GSTCD: variants seen among roughly 807,000 people sequenced by gnomAD.
GSTCD encodes glutathione S-transferase C-terminal domain containing.
In GSTCD, 44 loss-of-function variants were observed where a neutral mutation model predicts 68.3. The ratio of observed to expected loss-of-function variants is 0.64; its 90% CI spans 0.51 to 0.83. The LOEUF (loss-of-function observed/expected upper bound fraction) is 0.83, where lower values mean the gene tolerates loss of function less well. Among genes scored for constraint, GSTCD ranks in the 40% least tolerant of loss-of-function variants. The pLI is 0.00. For synonymous variants in GSTCD, 273 were observed against 255.2 expected, an observed-to-expected ratio of 1.07 and a Z score of -0.67; for missense variants, 739 against 735.9, an observed-to-expected ratio of 1.00 and a Z score of -0.05.
chr4:105,718,143 AT>A (rs1292488937), intron 2 of GSTCD, 104 bp downstream of exon 2: 1 of 938,554 alleles, frequency 1.1e-6, no homozygotes, highest in Admixed American at 3.0e-5. Flanking sequence ...AAGTTTATTT[AT>A]TTTAAAAAAC....
intron 5 of GSTCD, among the ~76,000 whole-genome samples, chr4:105,806,297 A>T (rs1427856817): frequency 6.6e-6 from 1 of 152,066 alleles, no homozygotes; most frequent in Non-Finnish European, 1.5e-5. Context: ...AGCTTCTTTT[A>T]TTCATATGGA....
intron 5 of GSTCD, among the ~76,000 whole-genome samples, chr4:105,803,375 A>G (rs1029990681): frequency 6.6e-6 from 1 of 152,108 alleles, no homozygotes; most frequent in African/African-American, 2.4e-5. Context: ...GAGAGGAGAT[A>G]GAAAAAGTAT....
At chr4:105,761,316 A>C (rs1442092830) in intron 5 of GSTCD, 1 of 158,880 alleles carries the variant, frequency 6.3e-6, no homozygotes, top group Non-Finnish European at 1.4e-5. Flanking sequence ...TATGCTTTTA[A>C]ATGTAATTTT....
intron 7 of GSTCD, 46 bp downstream of exon 7, chr4:105,823,321 A>T: frequency 6.3e-7 from 1 of 1,588,120 alleles, no homozygotes. Flanking sequence ...AAAATTATAC[A>T]GTTCAGCTAG....
intron 5 of GSTCD, among the ~76,000 whole-genome samples, chr4:105,758,825 T>C (rs1734291613): frequency 6.6e-6 from 1 of 152,186 alleles, no homozygotes; most frequent in African/African-American, 2.4e-5. Flanking sequence ...TCATTCCACC[T>C]TCAGTGACAT....
Position 105,845,502 on chromosome 4 carries a change from C to G in GSTCD, c.1827C>G (p.Tyr609Ter). The G allele has an allele frequency of 6.2e-7, 1 of 1,613,910 alleles. No individual in the cohort carries two copies. The highest frequency in any genetic ancestry group is 8.5e-7 in the Non-Finnish European group (1 of 1,179,804). ...CAAGAGCTGCAGAAGAATGTGGATA[C>G]TCCGTTCAAGTGATATCCATGGAGC... ...DRARAAEECG[Y>*]SVQVISMEPE... The change falls in exon 12 of 12, where the codon TAC (tyrosine) becomes TAG (stop). Residue 609 changes from tyrosine to a stop codon, truncating the protein, a stop_gained. Transcript: ENST00000515279. LOFTEE classifies it high-confidence loss of function.
chr4:105,805,512 G>A (rs1434205080), intron 5 of GSTCD, among the ~76,000 whole-genome samples: 1 of 152,086 alleles, frequency 6.6e-6, no homozygotes, highest in East Asian at 1.9e-4. Context: ...GGAATAGAAT[G>A]TAAGATTCTG....
At chr4:105,744,982 C>T (rs1733753275) in intron 5 of GSTCD, among the ~76,000 whole-genome samples, 1 of 152,140 alleles carries the variant, frequency 6.6e-6, no homozygotes, top group African/African-American at 2.4e-5. Context: ...ATCTTTTATC[C>T]ATCTATCTAT....
intron 8 of GSTCD, among the ~76,000 whole-genome samples, chr4:105,830,301 ATAG>A (rs1723842052): frequency 6.6e-6 from 1 of 152,204 alleles, no homozygotes; most frequent in Non-Finnish European, 1.5e-5. Flanking sequence ...ACACTTCTTA[ATAG>A]TAGTGTGGAA....
At chr4:105,811,587 C>T (rs1018508250) in intron 5 of GSTCD, among the ~76,000 whole-genome samples, 4 of 149,428 alleles carry the variant, frequency 2.7e-5, no homozygotes, top group Admixed American at 6.7e-5. Context: ...TGCTAGATGA[C>T]GAGTTAGTGG....
intron 10 of GSTCD, 45 bp from the exon 11 acceptor site, chr4:105,842,020 G>C: frequency 1.4e-6 from 2 of 1,441,076 alleles, no homozygotes; most frequent in Non-Finnish European, 2.0e-6. Context: ...TAACTTTGAA[G>C]CAGAAGATAA....
rs564875009 is a variant in GSTCD at position 105,827,028 on chromosome 4, C to T, written c.1530+1228C>T. 3.3e-5 allele frequency: 5 copies of T among 152,218 alleles called. No individual in the cohort carries two copies. The South Asian group carries it at 8.3e-4, about 25-fold the overall frequency. 9.4% of individuals were successfully genotyped at this position (152,218 alleles called of 1,614,324 possible). On this transcript the variant is annotated intron_variant, in intron 8 of 11. Coordinates refer to ENST00000515279, the MANE Select transcript of GSTCD (RefSeq NM_001370181.1). The stretch of plus-strand genomic sequence containing the variant: ...CTTTGCAGACACGATCTACAGTTTA[C>T]TTCTCTTTTTATAAGCCTGGCTGTT...
chr4:105,801,014 G>A (rs1160072494), intron 5 of GSTCD, among the ~76,000 whole-genome samples: 3 of 151,936 alleles, frequency 2.0e-5, no homozygotes, highest in Admixed American at 6.6e-5. Context: ...TTGTACTTAG[G>A]AAAACTAGAC....
intron 5 of GSTCD, among the ~76,000 whole-genome samples, chr4:105,732,418 T>C (rs920523992): frequency 1.3e-5 from 2 of 152,150 alleles, no homozygotes; most frequent in Non-Finnish European, 2.9e-5. Context: ...GTTTAATCTT[T>C]GGAGGGTGTA....
intron 5 of GSTCD, among the ~76,000 whole-genome samples, chr4:105,795,706 C>T (rs1369974435): frequency 6.6e-6 from 1 of 152,156 alleles, no homozygotes; most frequent in African/African-American, 2.4e-5. Context: ...GATCCCTTCT[C>T]AGCTCCAGCC....
At chr4:105,742,203 C>T (rs1733651470) in intron 5 of GSTCD, among the ~76,000 whole-genome samples, 1 of 152,108 alleles carries the variant, frequency 6.6e-6, no homozygotes, top group African/African-American at 2.4e-5. Context: ...TAGGCCTATC[C>T]AATCTGCCAT....
intron 5 of GSTCD, among the ~76,000 whole-genome samples, chr4:105,786,875 CCTCATATA>C (rs1249247380): frequency 6.6e-6 from 1 of 152,002 alleles, no homozygotes; most frequent in Non-Finnish European, 1.5e-5. Context: ...AAATTAGCAT[CCTCATATA>C]CTGCCGTTAG....
At chr4:105,735,156 A>G (rs757189038) in intron 5 of GSTCD, among the ~76,000 whole-genome samples, 4 of 152,168 alleles carry the variant, frequency 2.6e-5, no homozygotes, top group Non-Finnish European at 5.9e-5. Flanking sequence ...GCAATCTGTC[A>G]GTTCTCAGAT....
chr4:105,742,127 A>G (rs1436522615), intron 5 of GSTCD, among the ~76,000 whole-genome samples: 2 of 152,154 alleles, frequency 1.3e-5, no homozygotes, highest in Admixed American at 6.6e-5. Context: ...ATTTTGGTGC[A>G]TATTATAATA....
Sources: gnomAD v4.1 joint callset for allele counts (sites outside exome capture counted in the v4.1 genomes callset) on GRCh38, gnomAD v4.1.1 for gene constraint, MANE v1.5 for transcripts, NCBI Gene and HGNC (gene_info 2026-07-23, HGNC 2026-07-21) for gene names.